Variants in LRBA observed in about 807,000 individuals in gnomAD.
The protein encoded by LRBA is LPS responsive beige-like anchor protein, also known as lipopolysaccharide-responsive and beige-like anchor protein.
In LRBA, 176 loss-of-function variants were observed where a neutral mutation model predicts 330.0. The ratio of observed to expected loss-of-function variants is 0.53; its 90% confidence interval spans 0.47 to 0.60. The LOEUF is 0.60. LRBA is among the 20% of genes least tolerant of loss of function. The probability of loss-of-function intolerance (pLI) is 0.00; values close to 1 mark genes in which losing one functional copy is unlikely to be tolerated. For synonymous variants in LRBA, 1,230 were observed against 1,193.0 expected (o/e 1.03, Z -0.64); for missense variants, 3,259 against 3,444.8 (o/e 0.95, Z 1.35).
At chr4:150,668,220 C>G (rs1781734164) in intron 37 of LRBA, among the ~76,000 whole-genome samples, 1 of 152,156 alleles carries the variant, frequency 6.6e-6, no homozygotes, top group Non-Finnish European at 1.5e-5. Flanking sequence ...AGTCCAAAAC[C>G]CAGTATGTGC....
chr4:150,953,386 C>A (rs1334229012), intron 2 of LRBA, among the ~76,000 whole-genome samples: 1 of 147,156 alleles, frequency 6.8e-6, no homozygotes, highest in Non-Finnish European at 1.5e-5. Flanking sequence ...CCTCCCCCCC[C>A]TCTTTGCACG....
intron 35 of LRBA, among the ~76,000 whole-genome samples, chr4:150,749,096 TC>T (rs1289100668): frequency 3.8e-4 from 58 of 152,232 alleles, no homozygotes; most frequent in Non-Finnish European, 5.9e-5. Flanking sequence ...TTACCTTACA[TC>T]ATATATAAAA....
At chr4:150,517,800 AGACCCCTTAGGG>A (rs1404875469) in intron 40 of LRBA, among the ~76,000 whole-genome samples, 1 of 152,176 alleles carries the variant, frequency 6.6e-6, no homozygotes, top group Admixed American at 6.5e-5. Flanking sequence ...GTATGTTTCA[AGACCCCTTAGGG>A]GACATCTGAC....
chr4:150,549,482 T>C (rs1003501727), intron 40 of LRBA, among the ~76,000 whole-genome samples: 3 of 151,710 alleles, frequency 2.0e-5, no homozygotes, highest in Non-Finnish European at 4.4e-5. Flanking sequence ...CAGGTGCCCG[T>C]CACCACGCCC....
At chr4:150,669,856 G>A (rs1371801506) in intron 37 of LRBA, among the ~76,000 whole-genome samples, 1 of 152,106 alleles carries the variant, frequency 6.6e-6, no homozygotes, top group Non-Finnish European at 1.5e-5. Context: ...ATAAGCAACT[G>A]TGTCCGGCCA....
intron 37 of LRBA, among the ~76,000 whole-genome samples, chr4:150,648,157 G>GAAAAAAAAAA (rs1561468268): frequency 1.9e-4 from 1 of 5,236 alleles, no homozygotes; most frequent in African/African-American, 2.5e-4. Context: ...AACACAAGTA[G>GAAAAAAAAAA]CAAAAAAAAA....
At chr4:150,477,679 G>A (rs1006519654) in intron 42 of LRBA, among the ~76,000 whole-genome samples, 1 of 151,978 alleles carries the variant, frequency 6.6e-6, no homozygotes, top group African/African-American at 2.4e-5. Context: ...ATTATATCAT[G>A]GGGTAAATTT....
At chr4:150,544,969 T>C (rs1421590722) in intron 40 of LRBA, among the ~76,000 whole-genome samples, 1 of 152,160 alleles carries the variant, frequency 6.6e-6, no homozygotes, top group Non-Finnish European at 1.5e-5. Context: ...AACCCTAGAT[T>C]TGACTTCAGA....
At chr4:150,584,999 A>T (rs1307538776) in intron 40 of LRBA, among the ~76,000 whole-genome samples, 3 of 152,224 alleles carry the variant, frequency 2.0e-5, no homozygotes, top group Non-Finnish European at 2.9e-5. Context: ...CCTAATTTTT[A>T]AAATAGAAAA....
At chr4:150,349,872 C>T in intron 48 of LRBA, 120 bp downstream of exon 48, 1 of 836,042 alleles carries the variant, frequency 1.2e-6, no homozygotes, top group East Asian at 2.7e-5. Flanking sequence ...GCTTAAGGCA[C>T]TTTACATCTA....
At chr4:150,635,373 A>C (rs993872852) in intron 37 of LRBA, among the ~76,000 whole-genome samples, 3 of 152,194 alleles carry the variant, frequency 2.0e-5, no homozygotes, top group African/African-American at 7.2e-5. Flanking sequence ...ATATATGTTA[A>C]TGTGTCCCAA....
intron 36 of LRBA, among the ~76,000 whole-genome samples, chr4:150,714,176 T>C (rs926714699): frequency 1.3e-5 from 2 of 152,214 alleles, no homozygotes; most frequent in Non-Finnish European, 2.9e-5. Context: ...ATAAAGTTTA[T>C]GTCTTACTGA....
intron 30 of LRBA, among the ~76,000 whole-genome samples, chr4:150,817,602 C>G (rs1744792083): frequency 6.6e-6 from 1 of 151,218 alleles, no homozygotes; most frequent in Non-Finnish European, 1.5e-5. Context: ...TTGTAAAGCA[C>G]TGCTAATCTG....
chr4:150,915,680 A>G lies in LRBA; in HGVS notation c.942T>C (p.Ser314=), dbSNP rs1732501867. 5 of 1,612,672 alleles carry G rather than the reference A, an allele frequency of 3.1e-6. No homozygotes were observed. The South Asian group carries it at 5.5e-5, about 18-fold the overall frequency. The part of the protein sequence containing the change: ...IVHIYNRWKN[S]ELRCYVNGEL... ...CACCATTCACATAACATCGAAGTTC[A>G]CTATTCTTCCATCGGTTATAGATGT... The change falls in exon 8 of 57, where the codon AGT becomes AGC. Residue 314 remains serine (S), a synonymous_variant. Transcript: ENST00000651943.
intron 37 of LRBA, among the ~76,000 whole-genome samples, chr4:150,674,189 GTT>G (rs34337397): frequency 6.8e-6 from 1 of 146,930 alleles, no homozygotes; most frequent in African/African-American, 2.5e-5. Flanking sequence ...TGGTTTTGGG[GTT>G]TTTTTTTTGC....
chr4:150,502,960 A>G, intron 40 of LRBA, among the ~76,000 whole-genome samples: 1 of 152,218 alleles, frequency 6.6e-6, no homozygotes, highest in African/African-American at 2.4e-5. Flanking sequence ...CATTGCTAGC[A>G]CAGCAGTCTG....
At chr4:150,781,865 C>G (rs1039447098) in intron 34 of LRBA, among the ~76,000 whole-genome samples, 4 of 152,108 alleles carry the variant, frequency 2.6e-5, no homozygotes, top group Admixed American at 2.6e-4. Context: ...TCAACAGTGC[C>G]TAATTCAATT....
At chr4:150,374,807 GTA>G (rs893835186) in intron 47 of LRBA, among the ~76,000 whole-genome samples, 28 of 152,140 alleles carry the variant, frequency 1.8e-4, no homozygotes, top group African/African-American at 6.8e-4. Context: ...TATCAAAAGT[GTA>G]TAATTCTTAA....
intron 36 of LRBA, among the ~76,000 whole-genome samples, chr4:150,709,393 T>C (rs1785958698): frequency 5.9e-5 from 9 of 152,014 alleles, no homozygotes; most frequent in Admixed American, 5.9e-4. Context: ...ACAATCAGTA[T>C]GTTTTTGGAT....
Sources: gnomAD v4.1 joint callset for allele counts (sites outside exome capture counted in the v4.1 genomes callset) on GRCh38, gnomAD v4.1.1 for gene constraint, MANE v1.5 for transcripts, NCBI Gene and HGNC (gene_info 2026-07-23, HGNC 2026-07-21) for gene names.